PCDH15: variants seen among roughly 807,000 people sequenced by gnomAD.
The protein encoded by PCDH15 is protocadherin related 15, also known as protocadherin-15.
PCDH15 carries 129 observed loss-of-function variants against 178.5 expected under a neutral mutation model. That is an observed-to-expected ratio of 0.72 (90% CI 0.63 to 0.84). PCDH15 has a LOEUF of 0.84. Among genes scored for constraint, PCDH15 ranks in the 40% least tolerant of loss-of-function variants. The pLI, the probability that PCDH15 is intolerant of heterozygous loss-of-function variation, is 0.00. For synonymous variants in PCDH15, 800 were observed against 732.0 expected (o/e 1.09, Z -1.50); for missense variants, 2,230 against 2,099.9 (o/e 1.06, Z -1.21).
In PCDH15 at chr10:55,589,699, A is replaced by G. The variant is rs879446209; in HGVS notation, c.-156+37926T>C. On this transcript the variant is annotated intron_variant, in intron 2 of 5. Coordinates refer to the PCDH15 transcript ENST00000613346. The stretch of plus-strand genomic sequence containing the variant: ...AAAGAAGACATTTATGCAGCCAAAA[A>G]ACACATGAAAAAATGCTCATCATCA... Among the ~76,000 whole-genome samples the G allele has an allele frequency of 7.1e-3, 1,078 of 151,238 alleles. 6 individuals are homozygous for G. The highest frequency in any genetic ancestry group is 0.012 in the Non-Finnish European group (824 of 67,638).
chr10:54,012,177 G>A, intron 20 of PCDH15, among the ~76,000 whole-genome samples: 1 of 152,006 alleles, frequency 6.6e-6, no homozygotes, highest in East Asian at 1.9e-4. Context: ...ACCAAACTAA[G>A]GAAAGAATCA....
Position 53,827,506 on chromosome 10 carries a change from T to G in PCDH15, c.4254A>C (p.Ala1418=), listed in dbSNP as rs764548141. Reference sequence around the variant, plus strand: ...GCACTGCTGGTTTAGCCGCGGGTAATGCGGCCTGAATTCGTGCAGTCTTTG... The same window carrying G: ...GCACTGCTGGTTTAGCCGCGGGTAAGGCGGCCTGAATTCGTGCAGTCTTTG... The part of the protein sequence containing the change: ...ECTKTARIQA[A]LPAAKPAVPA... Residue 1418 remains alanine (A), a synonymous_variant, in exon 32 of 38, where the codon GCA becomes GCC. Transcript: ENST00000644397. The G allele has an allele frequency of 6.2e-7, 1 of 1,614,086 alleles. No homozygotes were observed. The highest frequency in any genetic ancestry group is 2.2e-5 in the East Asian group (1 of 44,870).
chr10:53,845,862 A>G (rs2077938294), intron 28 of PCDH15, among the ~76,000 whole-genome samples: 1 of 151,814 alleles, frequency 6.6e-6, no homozygotes, highest in Non-Finnish European at 1.5e-5. Context: ...AAACAGCTAG[A>G]TAAGAAGAAT....
intron 2 of PCDH15, among the ~76,000 whole-genome samples, chr10:55,086,509 C>A (rs1414179706): frequency 6.6e-6 from 1 of 151,928 alleles, no homozygotes; most frequent in East Asian, 1.9e-4. Flanking sequence ...TAGCCTATGC[C>A]CCAGTCTATA....
chr10:54,307,015 C>CATAT (rs1378823372), intron 8 of PCDH15, among the ~76,000 whole-genome samples: 50 of 36,120 alleles, frequency 1.4e-3, no homozygotes, highest in Admixed American at 3.4e-3. Flanking sequence ...TATATATATA[C>CATAT]ATATATATAT....
At chr10:55,145,607 T>C (rs1838485642) in intron 2 of PCDH15, among the ~76,000 whole-genome samples, 1 of 151,976 alleles carries the variant, frequency 6.6e-6, no homozygotes, top group Admixed American at 6.6e-5. Context: ...ATCAAGCTGT[T>C]GTGTGTTTTG....
At chr10:54,830,620 A>G (rs1206845347) in intron 3 of PCDH15, among the ~76,000 whole-genome samples, 3 of 152,138 alleles carry the variant, frequency 2.0e-5, no homozygotes, top group Non-Finnish European at 4.4e-5. Context: ...GCATTAGGAG[A>G]CATACCTAAT....
At chr10:54,506,378 A>T (rs114359583) in intron 3 of PCDH15, among the ~76,000 whole-genome samples, 2,899 of 152,162 alleles carry the variant, frequency 0.019, 83 homozygotes, top group African/African-American at 0.067. Context: ...AAAAAATATG[A>T]TTAAATTTGG....
intron 2 of PCDH15, among the ~76,000 whole-genome samples, chr10:54,630,506 A>T (rs1013141704): frequency 4.6e-5 from 7 of 152,182 alleles, no homozygotes; most frequent in Non-Finnish European, 7.4e-5. Flanking sequence ...GCAGGCAAAA[A>T]TTGTCTTAAG....
intron 13 of PCDH15, among the ~76,000 whole-genome samples, chr10:54,158,829 C>T (rs767929859): frequency 4.6e-5 from 7 of 151,954 alleles, no homozygotes; most frequent in East Asian, 1.9e-4. Context: ...AATTATGGGC[C>T]GGAAGCTGTG....
At chr10:54,954,888 G>A (rs1227031925) in intron 2 of PCDH15, among the ~76,000 whole-genome samples, 1 of 151,092 alleles carries the variant, frequency 6.6e-6, no homozygotes, top group East Asian at 1.9e-4. Flanking sequence ...TAGTTTAGAG[G>A]AATATACATT....
chr10:55,347,207 T>G (rs559715205), intron 2 of PCDH15, among the ~76,000 whole-genome samples: 2 of 151,748 alleles, frequency 1.3e-5, no homozygotes, highest in Non-Finnish European at 1.5e-5. Flanking sequence ...AGAGGGAGAC[T>G]GGCAAATAAA....
At chr10:54,577,325 C>T (rs1003772863) in intron 2 of PCDH15, among the ~76,000 whole-genome samples, 3 of 151,522 alleles carry the variant, frequency 2.0e-5, no homozygotes, top group Non-Finnish European at 4.4e-5. Flanking sequence ...ATCTCCTGAC[C>T]TTACAATACA....
chr10:54,891,985 A>AG (rs1219181957), intron 3 of PCDH15, among the ~76,000 whole-genome samples: 2 of 152,130 alleles, frequency 1.3e-5, no homozygotes, highest in Non-Finnish European at 2.9e-5. Context: ...AAGGAGGCAG[A>AG]GGGCATAGTT....
At chr10:54,252,464 AAT>A (rs2056564266) in intron 8 of PCDH15, among the ~76,000 whole-genome samples, 1 of 152,168 alleles carries the variant, frequency 6.6e-6, no homozygotes, top group Admixed American at 6.6e-5. Flanking sequence ...CAGATAGAAT[AAT>A]ATTGATTATC....
chr10:54,719,827 A>G (rs534231158), intron 1 of PCDH15, among the ~76,000 whole-genome samples: 19 of 151,990 alleles, frequency 1.3e-4, no homozygotes, highest in African/African-American at 4.3e-4. Context: ...GGCTTCCAGC[A>G]TCATCCATGT....
chr10:53,914,075 C>T (rs973339731), intron 25 of PCDH15, among the ~76,000 whole-genome samples: 3 of 152,170 alleles, frequency 2.0e-5, no homozygotes, highest in Non-Finnish European at 2.9e-5. Flanking sequence ...TACCATCTCA[C>T]ACCAGTTAGA....
chr10:55,034,315 C>T (rs1453207309), intron 2 of PCDH15, among the ~76,000 whole-genome samples: 4 of 152,080 alleles, frequency 2.6e-5, no homozygotes, highest in African/African-American at 9.7e-5. Flanking sequence ...ACAAAGCATT[C>T]CTAACAGTGA....
intron 27 of PCDH15, 24 bp from the exon 28 acceptor site, chr10:53,857,287 C>A (rs1244176542): frequency 2.5e-6 from 4 of 1,571,390 alleles, no homozygotes; most frequent in East Asian, 2.2e-5. Context: ...AAACAGAATT[C>A]ATTTAATTTT....
Sources: gnomAD v4.1 joint callset for allele counts (sites outside exome capture counted in the v4.1 genomes callset) on GRCh38, gnomAD v4.1.1 for gene constraint, MANE v1.5 for transcripts, NCBI Gene and HGNC (gene_info 2026-07-23, HGNC 2026-07-21) for gene names.